Variants in AKAP6 observed in about 807,000 individuals in gnomAD.
The protein encoded by AKAP6 is A-kinase anchor protein 6.
A neutral mutation model predicts 188.5 loss-of-function variants in AKAP6; 58 were observed. That is an observed-to-expected ratio of 0.31 (90% CI 0.25 to 0.38). The LOEUF (loss-of-function observed/expected upper bound fraction) is 0.38. Among genes scored for constraint, AKAP6 ranks in the 10% least tolerant of loss-of-function variants. The pLI is 1.00. For synonymous variants in AKAP6, 989 were observed against 998.6 expected (o/e 0.99, Z 0.18); for missense variants, 2,710 against 2,740.0 (o/e 0.99, Z 0.24).
intron 11 of AKAP6, among the ~76,000 whole-genome samples, chr14:32,770,572 C>T (rs2032866887): frequency 6.6e-6 from 1 of 152,112 alleles, no homozygotes; most frequent in Non-Finnish European, 1.5e-5. Flanking sequence ...TGTCTCTCCC[C>T]AACACACCAG....
intron 9 of AKAP6, among the ~76,000 whole-genome samples, chr14:32,715,305 A>G (rs930826494): frequency 6.6e-6 from 1 of 152,070 alleles, no homozygotes; most frequent in Admixed American, 6.6e-5. Context: ...CTTAAAAGGA[A>G]TAAGGAATGA....
chr14:32,704,583 A>G (rs916828118), intron 9 of AKAP6, among the ~76,000 whole-genome samples: 1 of 152,164 alleles, frequency 6.6e-6, no homozygotes, highest in Non-Finnish European at 1.5e-5. Context: ...TAGTGGTTAT[A>G]TTCATATTGG....
intron 5 of AKAP6, among the ~76,000 whole-genome samples, chr14:32,586,356 G>A (rs1170559935): frequency 6.6e-6 from 1 of 152,180 alleles, no homozygotes; most frequent in Non-Finnish European, 1.5e-5. Flanking sequence ...GGCTGGCCAT[G>A]GTGGCTAATG....
At chr14:32,793,660 T>G (rs1218704645) in intron 12 of AKAP6, among the ~76,000 whole-genome samples, 1 of 151,640 alleles carries the variant, frequency 6.6e-6, no homozygotes, top group African/African-American at 2.4e-5. Context: ...CAAACTCAGC[T>G]CTGGATCAAG....
chr14:32,471,052 A>G (rs1187999345), intron 2 of AKAP6, among the ~76,000 whole-genome samples: 1 of 152,236 alleles, frequency 6.6e-6, no homozygotes, highest in Non-Finnish European at 1.5e-5. Context: ...TTGAAAATGT[A>G]ATAAACCAAA....
intron 5 of AKAP6, among the ~76,000 whole-genome samples, chr14:32,586,148 G>T (rs1233283727): frequency 6.6e-6 from 1 of 152,136 alleles, no homozygotes; most frequent in Admixed American, 6.5e-5. Context: ...GTATTTGAAG[G>T]ATATGCTGGT....
At chr14:32,460,030 C>G (rs1252904546) in intron 2 of AKAP6, among the ~76,000 whole-genome samples, 1 of 152,102 alleles carries the variant, frequency 6.6e-6, no homozygotes, top group Non-Finnish European at 1.5e-5. Flanking sequence ...CAAAACCATA[C>G]AACACCATCA....
intron 2 of AKAP6, among the ~76,000 whole-genome samples, chr14:32,464,052 CA>C (rs1346488657): frequency 6.6e-6 from 1 of 152,012 alleles, no homozygotes; most frequent in Non-Finnish European, 1.5e-5. Context: ...AGGAAGAAGT[CA>C]AATCCCTGAA....
Position 32,824,582 on chromosome 14 carries a change from G to A in AKAP6, c.6769G>A (p.Gly2257Arg), listed in dbSNP as rs140237441. ...SKLDSEKESS[G>R]KPGESGMPEE... ...GCTTGACAGTGAAAAGGAAAGTTCC[G>A]GAAAACCAGGTGAATCTGGAATGCC... is the stretch of plus-strand genomic sequence containing the variant. The change falls in exon 13 of 14, where the codon GGA becomes AGA. Residue 2257 changes from glycine to arginine, a missense_variant. Around this residue, in one of 2 missense-constraint regions of AKAP6, gnomAD observed 2,473 missense variants for 2,426.1 expected, o/e 1.02. Coordinates refer to ENST00000280979, the MANE Select transcript of AKAP6 (RefSeq NM_004274.5). The A allele has an allele frequency of 7.4e-5, 120 of 1,613,828 alleles. No homozygotes were observed. The African/African-American group carries it at 9.3e-4, about 13-fold the overall frequency.
At chr14:32,471,639 G>T (rs1878786592) in intron 2 of AKAP6, among the ~76,000 whole-genome samples, 1 of 152,060 alleles carries the variant, frequency 6.6e-6, no homozygotes, top group South Asian at 2.1e-4. Flanking sequence ...ACCCAATTTG[G>T]GTAGGTGGAA....
intron 5 of AKAP6, among the ~76,000 whole-genome samples, chr14:32,591,103 A>G (rs1885466497): frequency 6.6e-6 from 1 of 152,158 alleles, no homozygotes; most frequent in African/African-American, 2.4e-5. Flanking sequence ...ACTTATATCA[A>G]TCTATCACTC....
At chr14:32,362,708 A>T (rs149894771) in intron 1 of AKAP6, among the ~76,000 whole-genome samples, 2 of 152,206 alleles carry the variant, frequency 1.3e-5, no homozygotes, top group Non-Finnish European at 2.9e-5. Context: ...GAGGTAGGAC[A>T]TGGGACTGGA....
intron 12 of AKAP6, among the ~76,000 whole-genome samples, chr14:32,800,069 A>C (rs1335070483): frequency 2.1e-5 from 3 of 139,664 alleles, no homozygotes; most frequent in African/African-American, 2.6e-5. Flanking sequence ...CTCTATATAT[A>C]TAGAAATATA....
intron 9 of AKAP6, among the ~76,000 whole-genome samples, chr14:32,720,928 T>C (rs1358264084): frequency 6.6e-6 from 1 of 152,186 alleles, no homozygotes; most frequent in Non-Finnish European, 1.5e-5. Flanking sequence ...GGTGTTTGTT[T>C]AGGTTGGGAA....
intron 1 of AKAP6, among the ~76,000 whole-genome samples, chr14:32,360,291 C>T (rs1336647695): frequency 3.3e-5 from 5 of 152,078 alleles, no homozygotes; most frequent in African/African-American, 1.2e-4. Context: ...CCACATCCAG[C>T]TAATTTTTGT....
chr14:32,602,517 A>C (rs900505271), intron 7 of AKAP6, among the ~76,000 whole-genome samples: 3 of 152,082 alleles, frequency 2.0e-5, no homozygotes, highest in Non-Finnish European at 4.4e-5. Context: ...CAAAAATCTT[A>C]ATTTTAGCTG....
intron 5 of AKAP6, among the ~76,000 whole-genome samples, chr14:32,598,112 A>G (rs1214418951): frequency 6.6e-6 from 1 of 152,208 alleles, no homozygotes; most frequent in Non-Finnish European, 1.5e-5. Flanking sequence ...GAATGAATGA[A>G]TACATGATTT....
chr14:32,570,124 CTTTT>C (rs60851991), intron 4 of AKAP6, among the ~76,000 whole-genome samples: 6 of 74,808 alleles, frequency 8.0e-5, no homozygotes, highest in African/African-American at 1.0e-4. Context: ...TGTGTGGGAA[CTTTT>C]TTTTTTTTTT....
chr14:32,645,126 C>T (rs1477405853), intron 7 of AKAP6, among the ~76,000 whole-genome samples: 4 of 152,020 alleles, frequency 2.6e-5, no homozygotes, highest in South Asian at 4.2e-4. Context: ...TTTATAGGGA[C>T]CTGATCTTAA....
Sources: gnomAD v4.1 joint callset for allele counts (sites outside exome capture counted in the v4.1 genomes callset) on GRCh38, gnomAD v4.1.1 for gene constraint, gnomAD v4.1.1 regional missense constraint, MANE v1.5 for transcripts, NCBI Gene and HGNC (gene_info 2026-07-23, HGNC 2026-07-21) for gene names.